Variants in COL21A1 observed in about 807,000 individuals in gnomAD.
COL21A1 encodes the protein collagen alpha-1(XXI) chain.
Under a neutral mutation model 137.9 loss-of-function variants are expected in COL21A1, and 149 were observed. The ratio of observed to expected loss-of-function variants is 1.08; its 90% confidence interval spans 0.95 to 1.24. The LOEUF (loss-of-function observed/expected upper bound fraction) is 1.24. Ranked by LOEUF, COL21A1 falls within the 50% of genes most tolerant of loss-of-function variation. The probability of loss-of-function intolerance (pLI) is 0.00; values close to 1 mark genes in which losing one functional copy is unlikely to be tolerated. For missense variants in COL21A1, 1,167 were observed against 1,158.4 expected, an observed-to-expected ratio of 1.01 and a Z score of -0.11; for synonymous variants, 456 against 391.5, an observed-to-expected ratio of 1.16 and a Z score of -1.95.
chr6:56,238,626 C>A (rs1411374539), intron 1 of COL21A1, among the ~76,000 whole-genome samples: 1 of 151,942 alleles, frequency 6.6e-6, no homozygotes, highest in African/African-American at 2.4e-5. Context: ...CAAAGCTTTA[C>A]CTCAAAAGCT....
chr6:56,177,791 CAAAA>C (rs3065941), intron 3 of COL21A1, among the ~76,000 whole-genome samples: 1 of 69,380 alleles, frequency 1.4e-5, no homozygotes, highest in African/African-American at 6.1e-5. Context: ...GACTCTGCCT[CAAAA>C]AAAAAAAAAA....
chr6:56,131,204 T>G (rs531960819), intron 12 of COL21A1, among the ~76,000 whole-genome samples: 5 of 152,054 alleles, frequency 3.3e-5, no homozygotes, highest in African/African-American at 1.2e-4. Context: ...GTGAAATAAT[T>G]GATAAAAAGC....
In COL21A1 at chr6:56,089,625, A is replaced by C. The variant is rs192257643; in HGVS notation, c.1812+11847T>G. On this transcript the variant is annotated intron_variant, in intron 17 of 29. Transcript: ENST00000244728. ...TCTGTTTACATGACATCAACCCATA[A>C]AAGTTAGACTTGATATCCTGTATAC... is the stretch of plus-strand genomic sequence containing the variant. Among the ~76,000 whole-genome samples, 212 of 152,294 alleles carry C rather than the reference A, an allele frequency of 1.4e-3. 1 individual carries two copies. Among genetic ancestry groups the C allele is most frequent in the Non-Finnish European group, 2.3e-3 (157 of 68,014 alleles).
intron 1 of COL21A1, among the ~76,000 whole-genome samples, chr6:56,301,046 C>T (rs1328410517): frequency 1.3e-5 from 2 of 152,080 alleles, no homozygotes; most frequent in Non-Finnish European, 1.5e-5. Flanking sequence ...GATAGAAAAG[C>T]ACATGGGAAA....
chr6:56,176,087 A>G (rs1777449642), intron 3 of COL21A1, among the ~76,000 whole-genome samples: 1 of 152,136 alleles, frequency 6.6e-6, no homozygotes, highest in South Asian at 2.1e-4. Context: ...GCAAAAGAAT[A>G]ACTTTGGACC....
chr6:56,200,391 G>T (rs1017208350), intron 1 of COL21A1, among the ~76,000 whole-genome samples: 3 of 151,752 alleles, frequency 2.0e-5, no homozygotes, highest in Admixed American at 6.6e-5. Flanking sequence ...TGCCATGTTG[G>T]TGTGCTGCAC....
intron 16 of COL21A1, among the ~76,000 whole-genome samples, chr6:56,103,657 G>GTTCCACAATTATTTGAGGATTTAACTTAT (rs1770638633): frequency 6.6e-6 from 1 of 152,058 alleles, no homozygotes; most frequent in Admixed American, 6.6e-5. Context: ...CAATAATGAA[G>GTTCCACAATTATTTGAGGATTTAACTTAT]TTCCACAATT....
At chr6:56,338,341 C>T (rs1765381431) in intron 1 of COL21A1, among the ~76,000 whole-genome samples, 2 of 152,260 alleles carry the variant, frequency 1.3e-5, no homozygotes, top group Middle Eastern at 3.4e-3. Context: ...GTGCTCCATA[C>T]CTATTGGCTG....
At chr6:56,062,322 C>G (rs1417312642) in intron 24 of COL21A1, among the ~76,000 whole-genome samples, 1 of 152,092 alleles carries the variant, frequency 6.6e-6, no homozygotes, top group African/African-American at 2.4e-5. Flanking sequence ...TAATTACTAG[C>G]TACATCTGGA....
At chr6:56,091,275 G>A (rs1768790802) in intron 17 of COL21A1, among the ~76,000 whole-genome samples, 1 of 152,152 alleles carries the variant, frequency 6.6e-6, no homozygotes. Flanking sequence ...TGGTAACTTG[G>A]ACTGGCTCAG....
chr6:56,188,495 T>A (rs1039093101), intron 1 of COL21A1, among the ~76,000 whole-genome samples: 1 of 152,174 alleles, frequency 6.6e-6, no homozygotes, highest in African/African-American at 2.4e-5. Context: ...AGTCAGGAAC[T>A]TATAGATAAA....
intron 1 of COL21A1, chr6:56,332,239 T>C (rs557310955): frequency 2.0e-5 from 3 of 152,192 alleles, no homozygotes; most frequent in East Asian, 3.9e-4. Flanking sequence ...TGCAGTATAG[T>C]TATTTTGATG....
chr6:56,126,478 A>G (rs926858692), intron 12 of COL21A1: 42 of 221,986 alleles, frequency 1.9e-4, no homozygotes, highest in African/African-American at 9.2e-4. Flanking sequence ...TCTAATCCCA[A>G]CACACTCAGG....
intron 1 of COL21A1, among the ~76,000 whole-genome samples, chr6:56,350,167 G>T (rs566013315): frequency 9.2e-5 from 14 of 152,318 alleles, no homozygotes; most frequent in African/African-American, 3.4e-4. Flanking sequence ...GACCAGCTAG[G>T]ATTCAATATA....
intron 1 of COL21A1, among the ~76,000 whole-genome samples, chr6:56,332,525 T>C (rs1765251178): frequency 1.3e-5 from 2 of 151,652 alleles, no homozygotes; most frequent in African/African-American, 2.4e-5. Flanking sequence ...TAGATTACTA[T>C]GGTATGGAAT....
At chr6:56,266,095 G>C (rs1048878165) in intron 1 of COL21A1, among the ~76,000 whole-genome samples, 3 of 152,130 alleles carry the variant, frequency 2.0e-5, no homozygotes, top group African/African-American at 7.2e-5. Context: ...AACAAAACAT[G>C]CTAACACAAT....
chr6:56,250,856 T>A (rs1349995348), upstream of COL21A1, among the ~76,000 whole-genome samples: 1 of 152,240 alleles, frequency 6.6e-6, no homozygotes, highest in African/African-American at 2.4e-5. Flanking sequence ...TAATATTATT[T>A]AATTACTAAA....
At chr6:56,379,090 A>G (rs990404099) in intron 1 of COL21A1, among the ~76,000 whole-genome samples, 6 of 152,210 alleles carry the variant, frequency 3.9e-5, no homozygotes, top group Admixed American at 2.0e-4. Context: ...AAATCTGGAC[A>G]GCCTTCCCAA....
At chr6:56,196,507 C>A (rs1223713705) in intron 1 of COL21A1, among the ~76,000 whole-genome samples, 6 of 152,002 alleles carry the variant, frequency 3.9e-5, no homozygotes, top group African/African-American at 1.2e-4. Flanking sequence ...GAAGTACATA[C>A]AATAAACTTG....
Sources: gnomAD v4.1 joint callset for allele counts (sites outside exome capture counted in the v4.1 genomes callset) on GRCh38, gnomAD v4.1.1 for gene constraint, MANE v1.5 for transcripts, NCBI Gene and HGNC (gene_info 2026-07-23, HGNC 2026-07-21) for gene names.